Variants in TBX15 observed in about 807,000 individuals in gnomAD.
TBX15 encodes T-box transcription factor 15.
In TBX15, 18 loss-of-function variants were observed where a neutral mutation model predicts 53.9. The observed-to-expected ratio is 0.33, with a 90% confidence interval of 0.23 to 0.49. The LOEUF (loss-of-function observed/expected upper bound fraction) is 0.49. Among genes scored for constraint, TBX15 ranks in the 20% least tolerant of loss-of-function variants. The pLI, the probability that TBX15 is intolerant of heterozygous loss-of-function variation, is 0.98. For synonymous variants in TBX15, 295 were observed against 278.0 expected, an observed-to-expected ratio of 1.06 and a Z score of -0.61; for missense variants, 692 against 749.5, an observed-to-expected ratio of 0.92 and a Z score of 0.90.
chr1:118,917,804 A>T (rs955734312), intron 5 of TBX15, among the ~76,000 whole-genome samples: 3 of 152,054 alleles, frequency 2.0e-5, no homozygotes. Flanking sequence ...GGACCATGTC[A>T]TTCTCTTTAG....
intron 6 of TBX15, among the ~76,000 whole-genome samples, chr1:118,909,014 C>T (rs1557879671): frequency 6.6e-6 from 1 of 152,114 alleles, no homozygotes; most frequent in Non-Finnish European, 1.5e-5. Context: ...GTAGCAGTTC[C>T]ATAAGTCAAG....
intron 6 of TBX15, among the ~76,000 whole-genome samples, chr1:118,909,139 G>A (rs1236775998): frequency 1.3e-5 from 2 of 152,222 alleles, no homozygotes; most frequent in African/African-American, 2.4e-5. Context: ...TGGACTCACT[G>A]GGGCTCCCCT....
chr1:118,951,101 A>G lies in TBX15; in HGVS notation c.206-19269T>C, dbSNP rs567141761. ...CTATCTATAAAAAGAATAGGATATT[A>G]CAGAAAACAAACTACAAACTATGAC... On this transcript the variant is annotated intron_variant, in intron 1 of 7. Coordinates refer to ENST00000369429, the MANE Select transcript of TBX15 (RefSeq NM_001330677.2). Among the ~76,000 whole-genome samples, 11 of 152,384 alleles carry G rather than the reference A, an allele frequency of 7.2e-5. No homozygotes were observed. The South Asian group carries it at 2.3e-3, about 32-fold the overall frequency.
intron 7 of TBX15, among the ~76,000 whole-genome samples, chr1:118,893,399 AAGAAAG>A (rs1654248879): frequency 7.2e-6 from 1 of 139,576 alleles, no homozygotes; most frequent in Non-Finnish European, 1.5e-5. Context: ...GAAAGAAAGA[AAGAAAG>A]AAAGGAAGAA....
At chr1:118,953,025 T>G (rs1276921309) in intron 1 of TBX15, among the ~76,000 whole-genome samples, 1 of 151,838 alleles carries the variant, frequency 6.6e-6, no homozygotes, top group Non-Finnish European at 1.5e-5. Flanking sequence ...TCATGTTTTT[T>G]AAATGTATAA....
chr1:118,897,495 A>G (rs1396383448), intron 7 of TBX15, among the ~76,000 whole-genome samples: 2 of 152,204 alleles, frequency 1.3e-5, no homozygotes, highest in African/African-American at 4.8e-5. Context: ...GCAATGAGTA[A>G]AGCAAGGGCA....
rs149085305 is a variant in TBX15, at chr1:118,951,933, G to A, written c.206-20101C>T. 5.2e-3 allele frequency among the ~76,000 whole-genome samples: 793 copies of A among 152,310 alleles called. 2 individuals carry two copies. The highest frequency in any genetic ancestry group is 0.018 in the African/African-American group (758 of 41,568). ...CTCTATCCATGCCTTCAGCTGGCAG[G>A]AATGTAGGGCTGCAGTTGAAGTTGA... On this transcript the variant is annotated intron_variant, in intron 1 of 7. Transcript: ENST00000369429.
intron 6 of TBX15, among the ~76,000 whole-genome samples, chr1:118,909,568 GTTGT>G (rs376347568): frequency 5.3e-5 from 8 of 151,946 alleles, no homozygotes; most frequent in African/African-American, 1.2e-4. Flanking sequence ...TGTTGTTGTT[GTTGT>G]TTGTTTGTTT....
chr1:118,944,546 A>T (rs1202547014), intron 1 of TBX15, among the ~76,000 whole-genome samples: 2 of 152,138 alleles, frequency 1.3e-5, no homozygotes, highest in African/African-American at 4.8e-5. Flanking sequence ...CAATTCAGAA[A>T]CTGACAGCTT....
intron 5 of TBX15, among the ~76,000 whole-genome samples, chr1:118,919,109 G>T (rs1212562430): frequency 6.6e-6 from 1 of 152,074 alleles, no homozygotes; most frequent in Non-Finnish European, 1.5e-5. Flanking sequence ...TTCCTATCTG[G>T]TTCATGTAGC....
chr1:118,926,794 C>T (rs1272157977), intron 2 of TBX15, among the ~76,000 whole-genome samples, 183 bp from the exon 3 acceptor site: 5 of 152,184 alleles, frequency 3.3e-5, no homozygotes, highest in Non-Finnish European at 7.3e-5. Flanking sequence ...CCACCTCCAC[C>T]TCCCGAGTTC....
At chr1:118,918,319 G>C (rs1182616666) in intron 5 of TBX15, among the ~76,000 whole-genome samples, 1 of 152,098 alleles carries the variant, frequency 6.6e-6, no homozygotes, top group Non-Finnish European at 1.5e-5. Flanking sequence ...GCAGAACCTA[G>C]TGTGACATGC....
chr1:118,943,022 T>C (rs145514076), intron 1 of TBX15, among the ~76,000 whole-genome samples: 1,756 of 152,258 alleles, frequency 0.012, 40 homozygotes, highest in Non-Finnish European at 9.5e-3. Flanking sequence ...CCTTTAGAAT[T>C]CCACAGACCC....
intron 1 of TBX15, among the ~76,000 whole-genome samples, chr1:118,985,927 C>G (rs547535572): frequency 2.0e-5 from 3 of 152,090 alleles, no homozygotes; most frequent in Non-Finnish European, 4.4e-5. Context: ...CTAAGGAGAA[C>G]GGCAGAAAGA....
intron 7 of TBX15, among the ~76,000 whole-genome samples, chr1:118,895,168 A>G (rs566898825): frequency 6.6e-6 from 1 of 152,312 alleles, no homozygotes; most frequent in East Asian, 1.9e-4. Context: ...TTCAATCATC[A>G]ACAGAGACCC....
chr1:118,930,492 T>A (rs1356195436), intron 2 of TBX15, among the ~76,000 whole-genome samples: 2 of 152,250 alleles, frequency 1.3e-5, no homozygotes, highest in Non-Finnish European at 2.9e-5. Flanking sequence ...CTTGGCTCAC[T>A]GCAACCTCCG....
Position 118,938,405 on chromosome 1 carries a change from A to G in TBX15, c.206-6573T>C, listed in dbSNP as rs1656035487. ...AACAAGCAGCACCTCTCTCAGCGAT[A>G]CATAGAACCACAGCAAGGACCCAAA... On this transcript the variant is annotated intron_variant, in intron 1 of 7. Transcript: ENST00000369429. 1.3e-5 allele frequency among the ~76,000 whole-genome samples: 2 copies of G among 152,184 alleles called. 1 individual carries two copies. Among genetic ancestry groups the G allele is most frequent in the South Asian group, 4.1e-4 (2 of 4,834 alleles).
At chr1:118,963,778 C>G (rs1333760320) in intron 1 of TBX15, among the ~76,000 whole-genome samples, 2 of 152,244 alleles carry the variant, frequency 1.3e-5, no homozygotes, top group East Asian at 1.9e-4. Flanking sequence ...TCCTCCCACA[C>G]TGACCCTGAG....
chr1:118,895,018 T>G (rs1156779388), intron 7 of TBX15, among the ~76,000 whole-genome samples: 1 of 152,198 alleles, frequency 6.6e-6, no homozygotes, highest in Non-Finnish European at 1.5e-5. Context: ...TATGTTTTTA[T>G]CATTACAGTG....
Sources: gnomAD v4.1 joint callset for allele counts (sites outside exome capture counted in the v4.1 genomes callset) on GRCh38, gnomAD v4.1.1 for gene constraint, MANE v1.5 for transcripts, NCBI Gene and HGNC (gene_info 2026-07-23, HGNC 2026-07-21) for gene names.